The following MTUS2 variants were observed in gnomAD, a reference collection of about 807,000 sequenced individuals.
MTUS2 encodes the protein microtubule-associated tumor suppressor candidate 2.
MTUS2 carries 40 observed loss-of-function variants against 114.1 expected under a neutral mutation model. That is an observed-to-expected ratio of 0.35 (90% CI 0.27 to 0.46). The LOEUF (loss-of-function observed/expected upper bound fraction) is 0.46. Ranked by LOEUF, MTUS2 falls within the 20% of genes least tolerant of loss-of-function variation. MTUS2 has a pLI of 1.00. For synonymous variants in MTUS2, 688 were observed against 672.0 expected, an observed-to-expected ratio of 1.02 and a Z score of -0.37; for missense variants, 1,679 against 1,705.4, an observed-to-expected ratio of 0.98 and a Z score of 0.27.
intron 5 of MTUS2, among the ~76,000 whole-genome samples, chr13:29,117,699 C>T (rs1350830562): frequency 6.6e-6 from 1 of 152,172 alleles, no homozygotes; most frequent in Non-Finnish European, 1.5e-5. Flanking sequence ...TTTTCCAGCA[C>T]CATTTATTAG....
intron 2 of MTUS2, among the ~76,000 whole-genome samples, chr13:28,923,132 C>G (rs143395846): frequency 6.6e-6 from 1 of 152,016 alleles, no homozygotes. Flanking sequence ...TATCGATCCC[C>G]GAATTAAAAC....
chr13:29,263,983 A>C (rs1314690634), intron 5 of MTUS2, among the ~76,000 whole-genome samples: 1 of 152,210 alleles, frequency 6.6e-6, no homozygotes, highest in East Asian at 1.9e-4. Context: ...AACATCACTA[A>C]AAAAGTCCAA....
At chr13:28,842,730 G>C (rs868206323) in intron 2 of MTUS2, among the ~76,000 whole-genome samples, 52 of 152,174 alleles carry the variant, frequency 3.4e-4, no homozygotes, top group African/African-American at 1.2e-3. Flanking sequence ...TTGAAAAAGG[G>C]GAGTTAGTGG....
chr13:29,219,931 A>G (rs1895838599), intron 5 of MTUS2, among the ~76,000 whole-genome samples: 1 of 151,878 alleles, frequency 6.6e-6, no homozygotes, highest in South Asian at 2.1e-4. Context: ...CAGACCACTC[A>G]AATTTCTCAT....
intron 6 of MTUS2, among the ~76,000 whole-genome samples, chr13:29,300,637 TATTAC>T (rs897457398): frequency 1.4e-4 from 21 of 152,044 alleles, no homozygotes; most frequent in Middle Eastern, 6.8e-3. Context: ...CTACTAGCTA[TATTAC>T]ATTGAAGAAA....
chr13:29,174,074 A>T (rs918842947), intron 5 of MTUS2, among the ~76,000 whole-genome samples: 2 of 152,252 alleles, frequency 1.3e-5, no homozygotes, highest in East Asian at 1.9e-4. Flanking sequence ...ATTAATTATT[A>T]AAAAACACAC....
chr13:29,477,840 T>C (rs73154404), intron 9 of MTUS2, among the ~76,000 whole-genome samples: 10,596 of 152,176 alleles, frequency 0.07, 396 homozygotes, highest in South Asian at 0.088. Context: ...TTGTCTTCTA[T>C]ACCACAAAAT....
chr13:29,294,768 G>A (rs1206778293), intron 6 of MTUS2, among the ~76,000 whole-genome samples: 1 of 152,202 alleles, frequency 6.6e-6, no homozygotes, highest in Non-Finnish European at 1.5e-5. Context: ...AAACATCTGA[G>A]CCTGATTGTC....
intron 7 of MTUS2, among the ~76,000 whole-genome samples, chr13:29,326,573 G>GAA (rs1900524193): frequency 6.6e-6 from 1 of 151,916 alleles, no homozygotes; most frequent in Non-Finnish European, 1.5e-5. Context: ...AGGAAAGAAG[G>GAA]AAGGCCAGGA....
intron 4 of MTUS2, among the ~76,000 whole-genome samples, chr13:29,052,478 GAAAA>G (rs1887947611): frequency 7.4e-6 from 1 of 135,664 alleles, no homozygotes; most frequent in African/African-American, 2.7e-5. Flanking sequence ...AAAAAAAAAA[GAAAA>G]GGAAAAGAAA....
chr13:29,050,959 G>T lies in MTUS2; in HGVS notation c.2446+16834G>T, dbSNP rs567465222. Among the ~76,000 whole-genome samples, 8 of 152,322 alleles carry T rather than the reference G, an allele frequency of 5.3e-5. No homozygotes were observed. In the South Asian group the frequency reaches 1.7e-3, roughly 32 times the overall value. On this transcript the variant is annotated intron_variant, in intron 4 of 15. Transcript: ENST00000612955. ...AGTGAGAGAGGAAGTAGGGAGGTGGGTGATGTACAGATCACATGGGGCCTC... is the reference window on the plus strand; with the variant it reads ...AGTGAGAGAGGAAGTAGGGAGGTGGTTGATGTACAGATCACATGGGGCCTC...
rs371630301 is a variant in MTUS2, at chr13:28,956,812, C to T, written c.-242-67645C>T. Among the ~76,000 whole-genome samples the T allele has an allele frequency of 5.9e-5, 8 of 136,564 alleles. No individual in the cohort carries two copies. In the East Asian group the frequency reaches 6.6e-4, roughly 11 times the overall value. The allele number at this position is 136,564 out of a possible 152,430, so 89.6% of individuals were successfully genotyped here. ...GCTGCCCTAGAGATGGGTGAGCTGG[C>T]GGAAAGGAAGTGTGGCGGGGACAGA... On this transcript the variant is annotated intron_variant, in intron 2 of 15. Transcript: ENST00000612955.
intron 7 of MTUS2, among the ~76,000 whole-genome samples, chr13:29,326,191 C>T (rs914188804): frequency 7.2e-5 from 11 of 152,122 alleles, no homozygotes; most frequent in African/African-American, 1.2e-4. Flanking sequence ...TGAGGGAAGC[C>T]GAGGATGGGG....
intron 5 of MTUS2, among the ~76,000 whole-genome samples, chr13:29,185,305 A>G (rs944893823): frequency 7.2e-5 from 11 of 152,194 alleles, no homozygotes; most frequent in African/African-American, 2.7e-4. Flanking sequence ...AAGCATACCA[A>G]CATATGCAAA....
intron 4 of MTUS2, among the ~76,000 whole-genome samples, chr13:29,062,239 G>C (rs1184069362): frequency 6.6e-6 from 1 of 152,164 alleles, no homozygotes; most frequent in African/African-American, 2.4e-5. Context: ...ACCTGCCTCA[G>C]CCTCCCAAAG....
chr13:29,404,602 T>C (rs1006166273), intron 8 of MTUS2, among the ~76,000 whole-genome samples: 2 of 152,208 alleles, frequency 1.3e-5, no homozygotes, highest in Non-Finnish European at 2.9e-5. Flanking sequence ...TTGTGGCTTA[T>C]TTTCCTCAAA....
At chr13:29,126,372 C>T (rs1469637714) in intron 5 of MTUS2, among the ~76,000 whole-genome samples, 1 of 152,182 alleles carries the variant, frequency 6.6e-6, no homozygotes, top group Admixed American at 6.5e-5. Context: ...TTTCTCGCCT[C>T]ATTTTCCACA....
At chr13:29,426,681 A>G (rs1876557461) in intron 8 of MTUS2, among the ~76,000 whole-genome samples, 1 of 152,178 alleles carries the variant, frequency 6.6e-6, no homozygotes, top group Non-Finnish European at 1.5e-5. Context: ...CTCAAGTTTC[A>G]TTCATCCTAA....
intron 4 of MTUS2, among the ~76,000 whole-genome samples, chr13:29,060,034 T>C (rs1888336796): frequency 6.6e-6 from 1 of 152,160 alleles, no homozygotes; most frequent in Non-Finnish European, 1.5e-5. Flanking sequence ...ATTTGAGTGC[T>C]TCCTGGAACA....
Sources: allele counts gnomAD v4.1 joint callset (sites outside exome capture counted in the v4.1 genomes callset), GRCh38; gene constraint gnomAD v4.1.1; transcripts MANE v1.5; gene names NCBI Gene and HGNC (gene_info 2026-07-23, HGNC 2026-07-21).